CDH13: variants seen among roughly 807,000 people sequenced by gnomAD.
CDH13 encodes the protein cadherin 13.
A neutral mutation model predicts 63.8 loss-of-function variants in CDH13; 24 were observed. The observed-to-expected ratio is 0.38, with a 90% CI of 0.27 to 0.53. CDH13 has a LOEUF of 0.53. Ranked by LOEUF, CDH13 falls within the 20% of genes least tolerant of loss-of-function variation. CDH13 has a pLI of 0.85. For synonymous variants in CDH13, 503 were observed against 355.3 expected (o/e 1.42, Z -4.67); for missense variants, 1,049 against 903.1 (o/e 1.16, Z -2.07).
chr16:83,405,486 G>C (rs2092028624), intron 6 of CDH13, among the ~76,000 whole-genome samples: 2 of 152,214 alleles, frequency 1.3e-5, no homozygotes, highest in African/African-American at 4.8e-5. Flanking sequence ...AAGAGGCCAT[G>C]TGCCAAGAGA....
At chr16:83,082,839 C>G (rs926212164) in intron 3 of CDH13, among the ~76,000 whole-genome samples, 2 of 152,162 alleles carry the variant, frequency 1.3e-5, no homozygotes, top group Admixed American at 1.3e-4. Flanking sequence ...TATTAATTAG[C>G]AAAGCATTCG....
intron 5 of CDH13, among the ~76,000 whole-genome samples, chr16:83,228,510 G>A (rs779567800): frequency 1.1e-4 from 17 of 152,318 alleles, no homozygotes; most frequent in Non-Finnish European, 7.3e-5. Context: ...TGCAACAATC[G>A]ACTATATTAT....
chr16:83,655,913 A>T (rs1365826596), intron 8 of CDH13, among the ~76,000 whole-genome samples: 1 of 152,178 alleles, frequency 6.6e-6, no homozygotes, highest in Non-Finnish European at 1.5e-5. Flanking sequence ...GAGATAATCA[A>T]ATTACCTGAG....
intron 1 of CDH13, among the ~76,000 whole-genome samples, chr16:82,699,891 C>A (rs1040068087): frequency 1.8e-4 from 27 of 152,210 alleles, no homozygotes; most frequent in African/African-American, 6.3e-4. Context: ...GACACTGATG[C>A]AATGTTTCAA....
chr16:83,397,100 C>T (rs1430322275), intron 6 of CDH13, among the ~76,000 whole-genome samples: 1 of 152,136 alleles, frequency 6.6e-6, no homozygotes, highest in Non-Finnish European at 1.5e-5. Flanking sequence ...CCGCCGCCCC[C>T]TTACCCCCAC....
At chr16:83,506,307 T>A (rs754762298) in intron 7 of CDH13, among the ~76,000 whole-genome samples, 2 of 152,174 alleles carry the variant, frequency 1.3e-5, no homozygotes, top group Non-Finnish European at 2.9e-5. Flanking sequence ...GGGCAGTTCC[T>A]GGGAAAGGGA....
At chr16:82,987,747 G>C (rs1489106075) in intron 2 of CDH13, among the ~76,000 whole-genome samples, 1 of 152,184 alleles carries the variant, frequency 6.6e-6, no homozygotes, top group Non-Finnish European at 1.5e-5. Context: ...AGAGTGTAAG[G>C]ACCATGCAAG....
chr16:83,064,564 C>G (rs982555204), intron 3 of CDH13, among the ~76,000 whole-genome samples: 14 of 152,072 alleles, frequency 9.2e-5, no homozygotes, highest in Admixed American at 5.2e-4. Flanking sequence ...AATGATCATT[C>G]CATCATTTAA....
chr16:83,620,499 T>C (rs901484010), intron 8 of CDH13, among the ~76,000 whole-genome samples: 5 of 151,816 alleles, frequency 3.3e-5, no homozygotes, highest in Non-Finnish European at 5.9e-5. Context: ...GGCTAGGAGA[T>C]TGCTGGGGAT....
intron 2 of CDH13, among the ~76,000 whole-genome samples, chr16:82,890,139 C>A (rs1002050455): frequency 2.0e-5 from 3 of 152,244 alleles, no homozygotes; most frequent in East Asian, 3.8e-4. Context: ...TTGATGCTAG[C>A]TGCAGTTGCT....
At chr16:82,903,479 C>G (rs568344444) in intron 2 of CDH13, among the ~76,000 whole-genome samples, 106 of 152,330 alleles carry the variant, frequency 7.0e-4, no homozygotes, top group African/African-American at 2.3e-3. Flanking sequence ...ATCGTTTCTT[C>G]CCACCTAGTT....
chr16:83,599,099 G>T (rs1233345709), intron 7 of CDH13, among the ~76,000 whole-genome samples: 5 of 152,218 alleles, frequency 3.3e-5, no homozygotes, highest in African/African-American at 1.2e-4. Flanking sequence ...AAGGGGTGAT[G>T]CCCGAGGGAA....
intron 7 of CDH13, among the ~76,000 whole-genome samples, chr16:83,597,901 CTTTGA>C (rs1259201206): frequency 2.0e-5 from 3 of 152,162 alleles, no homozygotes; most frequent in African/African-American, 7.2e-5. Flanking sequence ...CTCTGCTAAG[CTTTGA>C]TTTATTTTAT....
intron 1 of CDH13, among the ~76,000 whole-genome samples, chr16:82,787,436 G>C (rs961945584): frequency 6.6e-6 from 1 of 152,232 alleles, no homozygotes; most frequent in Non-Finnish European, 1.5e-5. Context: ...ACAGAAGGCA[G>C]ATGTCGGTGG....
chr16:83,488,905 A>T (rs1161630453), intron 7 of CDH13, among the ~76,000 whole-genome samples: 1 of 152,114 alleles, frequency 6.6e-6, no homozygotes, highest in Admixed American at 6.5e-5. Context: ...GATTACAGGG[A>T]TGAGCCACTG....
rs547992608 is a variant in CDH13, at chr16:83,190,081, T to G, written c.484-27264T>G. 2.6e-3 allele frequency among the ~76,000 whole-genome samples: 400 copies of G among 152,320 alleles called. 1 individual carries two copies. Among genetic ancestry groups the G allele is most frequent in the African/African-American group, 9.1e-3 (377 of 41,566 alleles). ...CCTTTATAAAGTACTAAGTCTTGGG[T>G]ATGTCTTTATTAGCAGCGTGAGAAC... On this transcript the variant is annotated intron_variant, in intron 4 of 13. Coordinates refer to ENST00000567109, the MANE Select transcript of CDH13 (RefSeq NM_001257.5).
At chr16:82,953,784 C>A (rs971505147) in intron 2 of CDH13, 1 of 152,122 alleles carries the variant, frequency 6.6e-6, no homozygotes, top group African/African-American at 2.4e-5. Context: ...CCAAGACAGG[C>A]TTCCAGATGG....
intron 3 of CDH13, among the ~76,000 whole-genome samples, chr16:83,121,341 C>G (rs2035563952): frequency 6.6e-6 from 1 of 152,190 alleles, no homozygotes; most frequent in South Asian, 2.1e-4. Flanking sequence ...TAAATATTCT[C>G]TCTGCTAGCT....
chr16:82,973,343 G>C (rs1909040261), intron 2 of CDH13, among the ~76,000 whole-genome samples: 1 of 152,146 alleles, frequency 6.6e-6, no homozygotes, highest in South Asian at 2.1e-4. Flanking sequence ...TCAACTTTCT[G>C]TTCCAAACAT....
Sources: allele counts gnomAD v4.1 joint callset (sites outside exome capture counted in the v4.1 genomes callset), GRCh38; gene constraint gnomAD v4.1.1; transcripts MANE v1.5; gene names NCBI Gene and HGNC (gene_info 2026-07-23, HGNC 2026-07-21).